Variants in CDH12 observed in about 807,000 individuals in gnomAD.
CDH12 encodes the protein cadherin 12, also known as cadherin-12.
In CDH12, 41 loss-of-function variants were observed where a neutral mutation model predicts 74.1. That is an observed-to-expected ratio of 0.55 (90% CI 0.43 to 0.72). The LOEUF (loss-of-function observed/expected upper bound fraction) is 0.72. Among genes scored for constraint, CDH12 ranks in the 30% least tolerant of loss-of-function variants. The pLI is 0.00. For synonymous variants in CDH12, 399 were observed against 355.0 expected, an observed-to-expected ratio of 1.12 and a Z score of -1.39; for missense variants, 945 against 977.2, an observed-to-expected ratio of 0.97 and a Z score of 0.44.
At position 22,801,751 on chromosome 5, in the gene CDH12, G is replaced by A. The variant is rs548622337; in HGVS notation, c.-523+51307C>T. On this transcript the variant is annotated intron_variant, in intron 1 of 14. Transcript: ENST00000382254. ...TATATCTGTCTTCAAAAAGATGGGT[G>A]TTTCAAACACTAATGGCAACTTTGT... Among the ~76,000 whole-genome samples, 48 of 148,174 alleles carry A rather than the reference G, an allele frequency of 3.2e-4. 1 individual carries two copies. The highest frequency in any genetic ancestry group is 2.5e-3 in the Admixed American group (37 of 14,714).
chr5:22,517,769 C>T (rs1026643024), intron 1 of CDH12, among the ~76,000 whole-genome samples: 1 of 152,148 alleles, frequency 6.6e-6, no homozygotes, highest in Non-Finnish European at 1.5e-5. Context: ...CAATTAGTTA[C>T]TTCCTTGTCT....
At chr5:21,875,133 A>G (rs1164172194) in intron 6 of CDH12, among the ~76,000 whole-genome samples, 1 of 152,228 alleles carries the variant, frequency 6.6e-6, no homozygotes, top group Non-Finnish European at 1.5e-5. Flanking sequence ...ATTGGTGGGC[A>G]TGTAAATTAG....
intron 3 of CDH12, among the ~76,000 whole-genome samples, chr5:22,296,924 G>A (rs534257261): frequency 2.6e-5 from 4 of 152,104 alleles, no homozygotes; most frequent in Non-Finnish European, 5.9e-5. Context: ...AAGCATACAA[G>A]ATGACAATAC....
chr5:22,380,346 A>G (rs1741706331), intron 3 of CDH12, among the ~76,000 whole-genome samples: 1 of 152,108 alleles, frequency 6.6e-6, no homozygotes, highest in African/African-American at 2.4e-5. Flanking sequence ...TCCCTTTTAA[A>G]TTATTTATTC....
intron 1 of CDH12, among the ~76,000 whole-genome samples, chr5:22,587,411 A>G (rs1463932959): frequency 6.6e-6 from 1 of 152,182 alleles, no homozygotes; most frequent in Non-Finnish European, 1.5e-5. Flanking sequence ...AAATGGACAA[A>G]TACAGAAGAC....
intron 6 of CDH12, among the ~76,000 whole-genome samples, chr5:21,955,807 A>T (rs1259835459): frequency 6.6e-6 from 1 of 152,106 alleles, no homozygotes; most frequent in Non-Finnish European, 1.5e-5. Flanking sequence ...TGACTCAGGT[A>T]ATCTCAAGAA....
rs1744525866 is a variant in CDH12 at position 21,758,426 on chromosome 5, T to C, written c.1633+2132A>G. Among the ~76,000 whole-genome samples the C allele has an allele frequency of 2.6e-5, 4 of 152,196 alleles. No homozygotes were observed. In the South Asian group the frequency reaches 8.3e-4, roughly 32 times the overall value. ...GTAGCAAACTAATCTCTTCAAAATA[T>C]CCTCTGATTCTATCATCATCATCAC... On this transcript the variant is annotated intron_variant, in intron 13 of 14. Transcript: ENST00000382254.
chr5:22,634,611 A>C (rs987185916), intron 1 of CDH12, among the ~76,000 whole-genome samples: 13 of 152,162 alleles, frequency 8.5e-5, no homozygotes, highest in African/African-American at 3.1e-4. Flanking sequence ...GGCATAAATC[A>C]AAGGAAAAAT....
chr5:22,006,156 G>A (rs536692288), intron 5 of CDH12, among the ~76,000 whole-genome samples: 5 of 151,920 alleles, frequency 3.3e-5, no homozygotes, highest in African/African-American at 1.2e-4. Context: ...GTAACTCTAT[G>A]TCTGTGTTTC....
intron 3 of CDH12, among the ~76,000 whole-genome samples, chr5:22,309,545 A>T (rs1324856860): frequency 1.3e-5 from 2 of 152,102 alleles, no homozygotes; most frequent in African/African-American, 4.8e-5. Flanking sequence ...AATAAAACCA[A>T]TTAACATTTC....
intron 3 of CDH12, among the ~76,000 whole-genome samples, chr5:22,297,772 A>G (rs1737694681): frequency 6.6e-6 from 1 of 152,174 alleles, no homozygotes; most frequent in South Asian, 2.1e-4. Flanking sequence ...AAGTCAAATC[A>G]TTTAATACCT....
intron 3 of CDH12, among the ~76,000 whole-genome samples, chr5:22,349,544 T>A (rs1256279973): frequency 6.6e-6 from 1 of 152,232 alleles, no homozygotes; most frequent in Non-Finnish European, 1.5e-5. Flanking sequence ...CAATTCGGAA[T>A]AACATCAATA....
intron 3 of CDH12, among the ~76,000 whole-genome samples, chr5:22,372,520 T>G (rs1421836889): frequency 6.6e-6 from 1 of 152,122 alleles, no homozygotes; most frequent in Non-Finnish European, 1.5e-5. Context: ...GGGACACTCA[T>G]GCTGAGTCAC....
At chr5:22,026,260 T>C (rs1418184383) in intron 5 of CDH12, among the ~76,000 whole-genome samples, 1 of 152,050 alleles carries the variant, frequency 6.6e-6, no homozygotes, top group Non-Finnish European at 1.5e-5. Context: ...TTAGACATGA[T>C]CCCTAGTGGA....
At chr5:22,365,700 TC>T (rs1740999234) in intron 3 of CDH12, among the ~76,000 whole-genome samples, 1 of 152,222 alleles carries the variant, frequency 6.6e-6, no homozygotes, top group African/African-American at 2.4e-5. Context: ...CTGCAAAAAC[TC>T]AACAACTCTT....
chr5:22,191,661 T>TTCACA (rs1554019279), intron 4 of CDH12, among the ~76,000 whole-genome samples: 1 of 142,250 alleles, frequency 7.0e-6, no homozygotes, highest in East Asian at 2.1e-4. Context: ...GCCTCCCGGG[T>TTCACA]TCACGCCATT....
chr5:21,951,501 G>A (rs1215166077), intron 6 of CDH12, among the ~76,000 whole-genome samples: 1 of 152,176 alleles, frequency 6.6e-6, no homozygotes, highest in African/African-American at 2.4e-5. Flanking sequence ...GCCCGCATCA[G>A]CCTCCCAAAG....
intron 3 of CDH12, among the ~76,000 whole-genome samples, chr5:22,400,705 T>G (rs1463848236): frequency 6.6e-6 from 1 of 152,146 alleles, no homozygotes. Flanking sequence ...AATGAAATGC[T>G]TTTTAGCCCC....
At chr5:21,979,086 C>G (rs1161420108) in intron 5 of CDH12, among the ~76,000 whole-genome samples, 2 of 152,238 alleles carry the variant, frequency 1.3e-5, no homozygotes, top group African/African-American at 4.8e-5. Context: ...TTTTACACAG[C>G]CTTTTTAATC....
Sources: gnomAD v4.1 joint callset for allele counts (sites outside exome capture counted in the v4.1 genomes callset) on GRCh38, gnomAD v4.1.1 for gene constraint, MANE v1.5 for transcripts, NCBI Gene and HGNC (gene_info 2026-07-23, HGNC 2026-07-21) for gene names.